Variants in SMARCA4 observed in about 807,000 individuals in gnomAD.
The protein encoded by SMARCA4 is SWI/SNF related BAF chromatin remodeling complex subunit ATPase 4.
A neutral mutation model predicts 193.9 loss-of-function variants in SMARCA4; 31 were observed. That is an observed-to-expected ratio of 0.16 (90% CI 0.12 to 0.22). The LOEUF is 0.22. Among genes scored for constraint, SMARCA4 ranks in the 10% least tolerant of loss-of-function variants. The pLI, the probability that SMARCA4 is intolerant of heterozygous loss-of-function variation, is 1.00. For synonymous variants in SMARCA4, 942 were observed against 933.1 expected (o/e 1.01, Z -0.17); for missense variants, 1,148 against 2,296.0 (o/e 0.50, Z 10.22).
chr19:10,968,673 T>G (rs572689017), intron 1 of SMARCA4, among the ~76,000 whole-genome samples: 209 of 152,292 alleles, frequency 1.4e-3, no homozygotes, highest in African/African-American at 4.6e-3. Flanking sequence ...GTTTTCTCTT[T>G]GCCACTGGCA....
chr19:11,042,641 G>T (rs1237660521), intron 30 of SMARCA4, among the ~76,000 whole-genome samples: 1 of 152,246 alleles, frequency 6.6e-6, no homozygotes, highest in African/African-American at 2.4e-5. Flanking sequence ...CTTACCAAGT[G>T]TGAAGTTTTA....
In SMARCA4 at chr19:11,027,964, A is replaced by G. The variant is rs1316952160; in HGVS notation, c.3382+14A>G. ...TCAGGCTTGATGGTGAGTATGAGCC[A>G]GTGAGGCGTTTCTTACAGGGTTTTG... On this transcript the variant is annotated intron_variant, in intron 24 of 34. Coordinates refer to ENST00000344626, the MANE Select transcript of SMARCA4 (RefSeq NM_003072.5). The G allele has an allele frequency of 6.2e-6, 10 of 1,613,710 alleles. No individual in the cohort carries two copies. Among genetic ancestry groups the G allele is most frequent in the Middle Eastern group, 1.6e-4 (1 of 6,062 alleles).
chr19:10,975,346 TC>T (rs1238160383), intron 1 of SMARCA4, among the ~76,000 whole-genome samples: 4 of 141,038 alleles, frequency 2.8e-5, no homozygotes. Flanking sequence ...TGAGTGTTTC[TC>T]TGTTGCCAGG....
At chr19:11,008,598 C>T (rs2088478619) in intron 14 of SMARCA4, among the ~76,000 whole-genome samples, 1 of 152,188 alleles carries the variant, frequency 6.6e-6, no homozygotes, top group Non-Finnish European at 1.5e-5. Flanking sequence ...TTATATTTGT[C>T]ATCTTTTGCT....
intron 30 of SMARCA4, among the ~76,000 whole-genome samples, chr19:11,050,799 G>A (rs1391743935): frequency 1.3e-5 from 2 of 152,218 alleles, no homozygotes; most frequent in South Asian, 2.1e-4. Flanking sequence ...GGGCCCCTGA[G>A]GGAAGGGTGC....
chr19:11,035,874 C>T (rs545161890), intron 29 of SMARCA4, among the ~76,000 whole-genome samples: 60 of 152,348 alleles, frequency 3.9e-4, no homozygotes, highest in African/African-American at 1.2e-3. Flanking sequence ...AGCTCAGGGG[C>T]TCTGAGTTAT....
rs114594206 is a variant in SMARCA4 at position 10,989,338 on chromosome 19, C to T, written c.1140C>T (p.His380=). The T allele has an allele frequency of 6.2e-4, 1,002 of 1,614,176 alleles. 10 individuals carry two copies. The African/African-American group carries it at 0.012, about 20-fold the overall frequency. The change falls in exon 7 of 35, where the codon CAC becomes CAT. Residue 380 remains histidine, a synonymous_variant. Coordinates refer to ENST00000344626, the MANE Select transcript of SMARCA4 (RefSeq NM_003072.5). ...CCAGGCTGCAGGCTCGCATCGCACACCGAATTCAGGAACTTGAAAACCTTC... is the reference window on the plus strand; with the variant it reads ...CCAGGCTGCAGGCTCGCATCGCACATCGAATTCAGGAACTTGAAAACCTTC... ...REYRLQARIA[H]RIQELENLPG... is the part of the protein sequence containing the mutation.
rs529111253 is a variant in SMARCA4 at position 11,025,834 on chromosome 19, G to A, written c.3168+326G>A. 5.9e-5 allele frequency among the ~76,000 whole-genome samples: 9 copies of A among 152,296 alleles called. No homozygotes were observed. In the East Asian group the frequency reaches 1.4e-3, roughly 23 times the overall value. ...GGCTCACTGGCTTTTCTCACGTTGCGGGGCGTCAAGAGTCACCACCGTCTT... is the reference window on the plus strand; with the variant it reads ...GGCTCACTGGCTTTTCTCACGTTGCAGGGCGTCAAGAGTCACCACCGTCTT... On this transcript the variant is annotated intron_variant, in intron 22 of 34. Coordinates refer to ENST00000344626, the MANE Select transcript of SMARCA4 (RefSeq NM_003072.5).
At chr19:11,004,759 C>A (rs2088022340) in intron 13 of SMARCA4, among the ~76,000 whole-genome samples, 1 of 151,960 alleles carries the variant, frequency 6.6e-6, no homozygotes, top group South Asian at 2.1e-4. Flanking sequence ...TTTGCTATTT[C>A]TTTTCTATGC....
At position 11,030,154 on chromosome 19, in the gene SMARCA4, A is replaced by G. The variant is rs2074823073; in HGVS notation, c.3383-576A>G. Among the ~76,000 whole-genome samples the G allele has an allele frequency of 6.6e-6, 1 of 152,142 alleles. No individual in the cohort carries two copies. The highest frequency in any genetic ancestry group is 1.9e-4 in the East Asian group (1 of 5,190). On this transcript the variant is annotated intron_variant, in intron 24 of 34. Transcript: ENST00000344626. The surrounding 1 kb of genome is among the most constrained non-coding windows in gnomAD (Gnocchi z 5.5). ...GACTTGGGTTTTCTGGGGCATGGGG[A>G]CACTGATCCTGCCAGAAAGGACACG...
Position 10,985,445 on chromosome 19 carries a change from C to T in SMARCA4, c.355+40C>T, listed in dbSNP as rs2085942689. On this transcript the variant is annotated intron_variant, in intron 3 of 34. Transcript: ENST00000344626. This position sits in a 1 kb window ranked among gnomAD's most constrained non-coding sequence, Gnocchi z 4.5. ...TCCTTCCTGCCTTGTGTTTGTCATA[C>T]TCCAGAGTCCTCAGATCATTTTCCT... is the stretch of plus-strand genomic sequence containing the variant. The T allele has an allele frequency of 1.9e-6, 3 of 1,608,840 alleles. No individual in the cohort carries two copies. Among genetic ancestry groups the T allele is most frequent in the Non-Finnish European group, 2.5e-6 (3 of 1,177,828 alleles).
At position 11,033,946 on chromosome 19, in the gene SMARCA4, C is replaced by T. The variant is rs532139329; in HGVS notation, c.3873+81C>T. On this transcript the variant is annotated intron_variant, in intron 27 of 34. Transcript: ENST00000344626. This position sits in a 1 kb window ranked among gnomAD's most constrained non-coding sequence, Gnocchi z 9.8. ...ACGGCCAGCAAGGGCCCTGGTCCCA[C>T]GGAGCGTGCGTGTGCGTGTGCGTGT... 23 of 749,598 alleles carry T rather than the reference C, an allele frequency of 3.1e-5. No homozygotes were observed. Among genetic ancestry groups the T allele is most frequent in the Admixed American group, 7.3e-5 (4 of 54,598 alleles). The allele number at this position is 749,598 out of a possible 1,614,324, so 46.4% of individuals were successfully genotyped here. A position where few individuals can be genotyped will look rare whatever the true frequency, so the allele number is the denominator to read the frequency against.
chr19:11,046,957 A>C (rs575547848), intron 30 of SMARCA4, among the ~76,000 whole-genome samples: 2 of 152,020 alleles, frequency 1.3e-5, no homozygotes, highest in Admixed American at 6.6e-5. Flanking sequence ...GCAAAAAAAA[A>C]AAAAAAAAAA....
intron 29 of SMARCA4, among the ~76,000 whole-genome samples, chr19:11,038,038 C>CA (rs2075364519): frequency 6.6e-6 from 1 of 152,240 alleles, no homozygotes; most frequent in South Asian, 2.1e-4. Context: ...TCAAAGCCTT[C>CA]AAAATGCTCC....
At chr19:10,993,553 T>C (rs2086738706) in intron 8 of SMARCA4, among the ~76,000 whole-genome samples, 1 of 152,230 alleles carries the variant, frequency 6.6e-6, no homozygotes, top group South Asian at 2.1e-4. Flanking sequence ...TTTGAGACAT[T>C]TCACATCCGT....
At chr19:10,967,971 G>A (rs1352369936) in intron 1 of SMARCA4, among the ~76,000 whole-genome samples, 2 of 151,842 alleles carry the variant, frequency 1.3e-5, no homozygotes, top group Non-Finnish European at 2.9e-5. Context: ...CCGCCTCCCG[G>A]GTTCATGCCA....
In SMARCA4 at chr19:10,985,522, G is replaced by T; in HGVS notation, c.355+117G>T. The T allele has an allele frequency of 2.3e-6, 3 of 1,305,298 alleles. No individual in the cohort carries two copies. Among genetic ancestry groups the T allele is most frequent in the Non-Finnish European group, 3.2e-6 (3 of 936,416 alleles). The allele number at this position is 1,305,298 out of a possible 1,614,324, so 80.9% of individuals were successfully genotyped here. ...AGGGAGTACCTAGGATGATGTAGCC[G>T]GGTGGGTGGCCCGCCACAGAGAGCT... On this transcript the variant is annotated intron_variant, in intron 3 of 34. Coordinates refer to ENST00000344626, the MANE Select transcript of SMARCA4 (RefSeq NM_003072.5). This position sits in a 1 kb window ranked among gnomAD's most constrained non-coding sequence, Gnocchi z 4.5.
In SMARCA4 at chr19:11,033,179, T is replaced by C. The variant is rs1224100739; in HGVS notation, c.3547-111T>C. ...CGGCAGGTCAGGCTGGGCAGAATTG[T>C]CAGGCCGAGGGTGGCACGCACAGCA... On this transcript the variant is annotated intron_variant, in intron 25 of 34. Transcript: ENST00000344626. The surrounding 1 kb of genome is among the most constrained non-coding windows in gnomAD (Gnocchi z 9.8). The C allele has an allele frequency of 7.1e-6, 6 of 841,370 alleles. No homozygotes were observed. In the Admixed American group the frequency reaches 9.2e-5, roughly 13 times the overall value. 52.1% of individuals were successfully genotyped at this position (841,370 alleles called of 1,614,324 possible).
intron 29 of SMARCA4, chr19:11,039,429 TAAAC>T: frequency 6.9e-7 from 1 of 1,439,502 alleles, no homozygotes; most frequent in South Asian, 1.2e-5. Flanking sequence ...ACTGAAACAC[TAAAC>T]AGACATTAAA....
Sources: allele counts gnomAD v4.1 joint callset (sites outside exome capture counted in the v4.1 genomes callset), GRCh38; gene constraint gnomAD v4.1.1; non-coding constraint Gnocchi (gnomAD v3.1); transcripts MANE v1.5; gene names NCBI Gene and HGNC (gene_info 2026-07-23, HGNC 2026-07-21).